Variants in ARSB observed in about 807,000 individuals in gnomAD.
ARSB encodes arylsulfatase B, also known as N-acetylgalactosamine-4-sulfatase.
ARSB carries 41 observed loss-of-function variants against 50.9 expected under a neutral mutation model. The ratio of observed to expected loss-of-function variants is 0.81; its 90% CI spans 0.63 to 1.04. The LOEUF is 1.04. ARSB is among the 50% of genes least tolerant of loss of function. The pLI is 0.00. For missense variants in ARSB, 672 were observed against 693.3 expected (o/e 0.97, Z 0.35); for synonymous variants, 269 against 284.8 (o/e 0.94, Z 0.56).
At chr5:78,827,094 A>C (rs987910230) in intron 6 of ARSB, among the ~76,000 whole-genome samples, 15 of 152,206 alleles carry the variant, frequency 9.9e-5, no homozygotes, top group African/African-American at 3.6e-4. Context: ...GCTCCATCAA[A>C]TAGAGCCCAC....
chr5:78,782,050 T>G, intron 6 of ARSB, 76 bp from the exon 7 acceptor site: 1 of 1,577,632 alleles, frequency 6.3e-7, no homozygotes, highest in African/African-American at 1.4e-5. Flanking sequence ...TTTATACCCT[T>G]GCAGAACAGT....
At chr5:78,933,835 TA>T (rs1198454392) in intron 4 of ARSB, among the ~76,000 whole-genome samples, 8 of 152,240 alleles carry the variant, frequency 5.3e-5, no homozygotes, top group African/African-American at 1.9e-4. Context: ...GACCTAAATA[TA>T]GGGAGATTAT....
chr5:78,886,433 A>G (rs1192231515), intron 4 of ARSB, among the ~76,000 whole-genome samples: 1 of 152,232 alleles, frequency 6.6e-6, no homozygotes, highest in East Asian at 1.9e-4. Context: ...ATGGAAAAAT[A>G]TAATTGTGAA....
chr5:78,814,855 G>A (rs1743933572), intron 6 of ARSB, among the ~76,000 whole-genome samples: 1 of 150,698 alleles, frequency 6.6e-6, no homozygotes, highest in South Asian at 2.1e-4. Context: ...TGAAGGGAGG[G>A]CCTAGGAAGC....
At chr5:78,840,204 C>T (rs1420289960) in intron 5 of ARSB, among the ~76,000 whole-genome samples, 1 of 152,166 alleles carries the variant, frequency 6.6e-6, no homozygotes, top group African/African-American at 2.4e-5. Flanking sequence ...CTCAGCCTTA[C>T]AGAAGTAGCT....
rs200623709 is a variant in ARSB, at chr5:78,910,729, T to TA, written c.899-24903dup. Reference sequence around the variant, plus strand: ...TATCTGAGCACACTAAAAAAATTTTTAAAAATCCAACTATCTGAAAATATA... The same window carrying TA: ...TATCTGAGCACACTAAAAAAATTTTTAAAAAATCCAACTATCTGAAAATATA... On this transcript the variant is annotated intron_variant, in intron 4 of 7. Transcript: ENST00000264914. Among the ~76,000 whole-genome samples, 1,259 of 152,254 alleles carry TA rather than the reference T, an allele frequency of 8.3e-3. 10 individuals are homozygous for TA. The highest frequency in any genetic ancestry group is 0.027 in the African/African-American group (1,142 of 41,552).
At chr5:78,851,314 A>T (rs3114497) in intron 5 of ARSB, among the ~76,000 whole-genome samples, 94,339 of 151,940 alleles carry the variant, frequency 0.62, 29,650 homozygotes, top group Middle Eastern at 0.67. Flanking sequence ...CATTTCGTTA[A>T]GTACCCAGTA....
intron 5 of ARSB, among the ~76,000 whole-genome samples, chr5:78,839,858 C>T (rs1019599797): frequency 4.6e-5 from 7 of 152,120 alleles, no homozygotes; most frequent in Non-Finnish European, 1.0e-4. Flanking sequence ...TAAAGAGTAA[C>T]CTACATCAGA....
chr5:78,982,990 A>G (rs143799101), intron 1 of ARSB, among the ~76,000 whole-genome samples: 27 of 152,292 alleles, frequency 1.8e-4, no homozygotes, highest in African/African-American at 5.8e-4. Context: ...TCCAAGACAT[A>G]ATTTTGGTGA....
chr5:78,786,563 A>G (rs1256581577), intron 6 of ARSB, among the ~76,000 whole-genome samples: 1 of 152,144 alleles, frequency 6.6e-6, no homozygotes, highest in Non-Finnish European at 1.5e-5. Context: ...TCTATGTTTA[A>G]CCTTTCGAGT....
chr5:78,965,123 T>TC (rs1752151710), intron 2 of ARSB, among the ~76,000 whole-genome samples: 1 of 152,108 alleles, frequency 6.6e-6, no homozygotes, highest in Non-Finnish European at 1.5e-5. Context: ...TACAAACCTT[T>TC]CCTAATAGAG....
intron 3 of ARSB, among the ~76,000 whole-genome samples, chr5:78,961,157 G>T (rs1434213152): frequency 6.6e-6 from 1 of 152,120 alleles, no homozygotes; most frequent in Non-Finnish European, 1.5e-5. Context: ...CTTAGAACAA[G>T]TTCCTTATGC....
chr5:78,841,694 T>G (rs897869204), intron 5 of ARSB, among the ~76,000 whole-genome samples: 6 of 152,206 alleles, frequency 3.9e-5, no homozygotes, highest in Non-Finnish European at 8.8e-5. Flanking sequence ...ATACATACTC[T>G]TCATTCATGT....
At chr5:78,827,604 A>G (rs967912935) in intron 6 of ARSB, among the ~76,000 whole-genome samples, 4 of 152,212 alleles carry the variant, frequency 2.6e-5, no homozygotes, top group Admixed American at 6.5e-5. Flanking sequence ...AAACCAGCCT[A>G]CAAAGGAAAA....
intron 2 of ARSB, among the ~76,000 whole-genome samples, chr5:78,964,861 T>C (rs338465): frequency 6.6e-6 from 1 of 152,022 alleles, no homozygotes; most frequent in Non-Finnish European, 1.5e-5. Context: ...TAACAGTTTT[T>C]TTTTTTATCA....
intron 4 of ARSB, among the ~76,000 whole-genome samples, chr5:78,891,682 C>T (rs758185263): frequency 5.3e-5 from 8 of 152,154 alleles, no homozygotes; most frequent in Non-Finnish European, 1.2e-4. Flanking sequence ...GATGAGAGCC[C>T]AGGCACAGGG....
At chr5:78,781,805 G>T (rs746743704) in intron 7 of ARSB, 47 bp downstream of exon 7, 2 of 1,613,178 alleles carry the variant, frequency 1.2e-6, no homozygotes, top group Non-Finnish European at 1.7e-6. Flanking sequence ...ACACAGCCCT[G>T]CTTTGTCTAC....
In ARSB at chr5:78,908,339, A is replaced by C. The variant is rs536477942; in HGVS notation, c.899-22512T>G. The stretch of plus-strand genomic sequence containing the variant: ...GACTGTATTTTGTCGCTTATCTAAC[A>C]CAAAATAAACAGAACAATCTGGAGC... On this transcript the variant is annotated intron_variant, in intron 4 of 7. Coordinates refer to ENST00000264914, the MANE Select transcript of ARSB (RefSeq NM_000046.5). 1.4e-4 allele frequency among the ~76,000 whole-genome samples: 22 copies of C among 152,212 alleles called. No individual in the cohort carries two copies. The East Asian group carries it at 3.7e-3, about 25-fold the overall frequency.
chr5:78,913,274 G>A (rs1304664092), intron 4 of ARSB, among the ~76,000 whole-genome samples: 2 of 152,048 alleles, frequency 1.3e-5, no homozygotes, highest in Admixed American at 6.5e-5. Context: ...ACAGGCGCCC[G>A]CCACCTCGCC....
Sources: gnomAD v4.1 joint callset for allele counts (sites outside exome capture counted in the v4.1 genomes callset) on GRCh38, gnomAD v4.1.1 for gene constraint, MANE v1.5 for transcripts, NCBI Gene and HGNC (gene_info 2026-07-23, HGNC 2026-07-21) for gene names.